Variants in SIPA1L1 observed in about 807,000 individuals in gnomAD.
SIPA1L1 encodes signal-induced proliferation-associated 1-like protein 1.
A neutral mutation model predicts 162.7 loss-of-function variants in SIPA1L1; 26 were observed. The ratio of observed to expected loss-of-function variants is 0.16; its 90% CI spans 0.12 to 0.22. The LOEUF (loss-of-function observed/expected upper bound fraction) is 0.22. SIPA1L1 is among the 10% of genes least tolerant of loss of function. The probability of loss-of-function intolerance (pLI) is 1.00; values close to 1 mark genes in which losing one functional copy is unlikely to be tolerated. For missense variants in SIPA1L1, 1,874 were observed against 2,241.0 expected, an observed-to-expected ratio of 0.84 and a Z score of 3.31; for synonymous variants, 829 against 837.4, an observed-to-expected ratio of 0.99 and a Z score of 0.17.
At chr14:71,325,122 C>T (rs913300963) in intron 2 of SIPA1L1, among the ~76,000 whole-genome samples, 1 of 152,160 alleles carries the variant, frequency 6.6e-6, no homozygotes, top group Non-Finnish European at 1.5e-5. Flanking sequence ...TACAGACAGA[C>T]GCAGTAAAAT....
At chr14:71,544,217 G>GTATGTATACACATATGTA (rs1567181327) in intron 4 of SIPA1L1, among the ~76,000 whole-genome samples, 5 of 151,058 alleles carry the variant, frequency 3.3e-5, no homozygotes, top group African/African-American at 1.2e-4. Flanking sequence ...ACATGCATGT[G>GTATGTATACACATATGTA]TATATACATA....
At chr14:71,497,821 T>C (rs2049907567) in intron 2 of SIPA1L1, 1 of 152,212 alleles carries the variant, frequency 6.6e-6, no homozygotes, top group Admixed American at 6.5e-5. Context: ...TGTGTCCAGA[T>C]TTTTCTGTTA....
intron 2 of SIPA1L1, among the ~76,000 whole-genome samples, chr14:71,399,373 T>G (rs2041482947): frequency 6.6e-6 from 1 of 152,190 alleles, no homozygotes; most frequent in South Asian, 2.1e-4. Flanking sequence ...CTCTGGTTCT[T>G]TCAGTGAGAA....
chr14:71,721,369 C>A (rs1031788776), intron 17 of SIPA1L1, among the ~76,000 whole-genome samples: 1 of 152,224 alleles, frequency 6.6e-6, no homozygotes, highest in African/African-American at 2.4e-5. Flanking sequence ...ACAGCTGGCA[C>A]TGCACAGGGT....
intron 21 of SIPA1L1, among the ~76,000 whole-genome samples, chr14:71,734,608 C>T (rs1189657518): frequency 6.6e-6 from 1 of 152,044 alleles, no homozygotes; most frequent in Non-Finnish European, 1.5e-5. Context: ...ATGTACTAGG[C>T]CACAGAATCT....
intron 4 of SIPA1L1, among the ~76,000 whole-genome samples, chr14:71,565,440 C>G (rs1284723576): frequency 6.6e-6 from 1 of 152,170 alleles, no homozygotes; most frequent in Non-Finnish European, 1.5e-5. Context: ...ACCGAAGGTT[C>G]CACCTTCCAT....
At chr14:71,533,223 A>G (rs2053600345) in intron 4 of SIPA1L1, among the ~76,000 whole-genome samples, 1 of 152,204 alleles carries the variant, frequency 6.6e-6, no homozygotes, top group Non-Finnish European at 1.5e-5. Flanking sequence ...TCAAATCAAA[A>G]GTTTTCTTAC....
At chr14:71,638,762 A>G (rs996584542) in intron 7 of SIPA1L1, among the ~76,000 whole-genome samples, 18 of 152,258 alleles carry the variant, frequency 1.2e-4, no homozygotes, top group African/African-American at 3.9e-4. Flanking sequence ...TAAGGAATCT[A>G]TAGATAAACA....
chr14:71,529,889 G>C (rs2053264401), intron 4 of SIPA1L1, among the ~76,000 whole-genome samples: 1 of 152,188 alleles, frequency 6.6e-6, no homozygotes, highest in South Asian at 2.1e-4. Flanking sequence ...CTCATGGTTA[G>C]GACAGAGCTG....
At chr14:71,616,154 A>G (rs556477905) in intron 5 of SIPA1L1, among the ~76,000 whole-genome samples, 1 of 152,218 alleles carries the variant, frequency 6.6e-6, no homozygotes, top group African/African-American at 2.4e-5. Flanking sequence ...AGGAAAACTG[A>G]GCTAGAACAG....
At chr14:71,473,746 G>A (rs186963358) in intron 2 of SIPA1L1, among the ~76,000 whole-genome samples, 1 of 152,312 alleles carries the variant, frequency 6.6e-6, no homozygotes, top group African/African-American at 2.4e-5. Flanking sequence ...GGGTGATGTG[G>A]TCAAAGTGAT....
At chr14:71,707,868 A>G (rs2082567015) in intron 16 of SIPA1L1, among the ~76,000 whole-genome samples, 1 of 151,984 alleles carries the variant, frequency 6.6e-6, no homozygotes, top group Admixed American at 6.6e-5. Flanking sequence ...ACCCCATTTT[A>G]TATACCCAAC....
intron 8 of SIPA1L1, among the ~76,000 whole-genome samples, chr14:71,656,453 C>T (rs139981693): frequency 6.6e-6 from 1 of 152,204 alleles, no homozygotes; most frequent in Non-Finnish European, 1.5e-5. Context: ...CTGTTCTATA[C>T]ATATTTATAG....
chr14:71,553,427 A>G (rs1292518784), intron 4 of SIPA1L1, among the ~76,000 whole-genome samples: 1 of 152,252 alleles, frequency 6.6e-6, no homozygotes, highest in Non-Finnish European at 1.5e-5. Context: ...AAAAACAGTA[A>G]TGACAGAAGA....
chr14:71,457,415 C>T (rs1441829956), intron 2 of SIPA1L1, among the ~76,000 whole-genome samples: 1 of 149,996 alleles, frequency 6.7e-6, no homozygotes, highest in African/African-American at 2.5e-5. Context: ...TCTTCTGCCT[C>T]AGCTTCCTGA....
intron 2 of SIPA1L1, among the ~76,000 whole-genome samples, chr14:71,442,171 TC>T (rs1567028521): frequency 2.5e-5 from 1 of 40,276 alleles, no homozygotes; most frequent in African/African-American, 1.5e-4. Flanking sequence ...AGACTCTGTC[TC>T]AAAAAAAAAA....
chr14:71,554,603 T>C (rs75304942), intron 4 of SIPA1L1, among the ~76,000 whole-genome samples: 2,641 of 152,310 alleles, frequency 0.017, 22 homozygotes, highest in African/African-American at 0.025. Flanking sequence ...TGTTGTTAAC[T>C]TCTATATTGA....
At chr14:71,698,141 T>C (rs2081795832) in intron 13 of SIPA1L1, among the ~76,000 whole-genome samples, 1 of 152,206 alleles carries the variant, frequency 6.6e-6, no homozygotes, top group Non-Finnish European at 1.5e-5. Context: ...TGAAATAAAA[T>C]ACCATCGTTA....
chr14:71,603,944 T>TATATATTTATATATATTTATATATAG (rs1306589908), intron 5 of SIPA1L1, among the ~76,000 whole-genome samples: 1,613 of 143,962 alleles, frequency 0.011, 17 homozygotes, highest in Non-Finnish European at 0.018. Flanking sequence ...TATATATCTA[T>TATATATTTATATATATTTATATATAG]ATATATTTAT....
Sources: allele counts gnomAD v4.1 joint callset (sites outside exome capture counted in the v4.1 genomes callset), GRCh38; gene constraint gnomAD v4.1.1; transcripts MANE v1.5; gene names NCBI Gene and HGNC (gene_info 2026-07-23, HGNC 2026-07-21).